Variants in GRM5 observed in about 807,000 individuals in gnomAD.
GRM5 encodes the protein glutamate metabotropic receptor 5.
Under a neutral mutation model 83.1 loss-of-function variants are expected in GRM5, and 19 were observed. That is an observed-to-expected ratio of 0.23 (90% CI 0.16 to 0.34). The LOEUF is 0.34. Ranked by LOEUF, GRM5 falls within the 10% of genes least tolerant of loss-of-function variation. The pLI is 1.00. For synonymous variants in GRM5, 675 were observed against 633.6 expected, an observed-to-expected ratio of 1.07 and a Z score of -0.98; for missense variants, 1,160 against 1,588.3, an observed-to-expected ratio of 0.73 and a Z score of 4.58.
At chr11:88,869,657 C>T (rs912890463) in intron 2 of GRM5, among the ~76,000 whole-genome samples, 3 of 151,502 alleles carry the variant, frequency 2.0e-5, no homozygotes, top group East Asian at 1.9e-4. Flanking sequence ...AACTGCTCAT[C>T]GGGCCTTTTG....
chr11:88,785,382 G>A (rs1943049709), intron 3 of GRM5, among the ~76,000 whole-genome samples: 1 of 152,030 alleles, frequency 6.6e-6, no homozygotes. Context: ...TTTTAAAGAA[G>A]AAAGGCTAGT....
chr11:88,732,955 A>T (rs1165613233), intron 3 of GRM5, among the ~76,000 whole-genome samples: 2 of 152,064 alleles, frequency 1.3e-5, no homozygotes, highest in East Asian at 3.9e-4. Flanking sequence ...TGATTTCTTC[A>T]GTGCATTTTC....
chr11:88,604,826 A>G lies in GRM5; in HGVS notation c.1286T>C (p.Met429Thr). 6.2e-7 allele frequency: 1 copy of G among 1,614,042 alleles called. No individual in the cohort carries two copies. The change falls in exon 5 of 10, where the codon ATG becomes ACG. Residue 429 changes from methionine (M) to threonine (T), a missense_variant. By Grantham distance (81) the Met-to-Thr change is moderately conservative. Around this residue, in one of 9 missense-constraint regions of GRM5, gnomAD observed 132 missense variants for 197.6 expected, o/e 0.67. Coordinates refer to ENST00000305447, the MANE Select transcript of GRM5 (RefSeq NM_001143831.3). Reference sequence around the variant, plus strand: ...AAGTTTCCGTCCATCAATTGGCTTCATGGCATCACAGAGTCCTGCATAGCC... The same window carrying G: ...AAGTTTCCGTCCATCAATTGGCTTCGTGGCATCACAGAGTCCTGCATAGCC... ...CPGYAGLCDA[M>T]KPIDGRKLLE...
intron 3 of GRM5, among the ~76,000 whole-genome samples, chr11:88,692,450 T>C (rs1565189104): frequency 6.6e-6 from 1 of 152,182 alleles, no homozygotes; most frequent in Non-Finnish European, 1.5e-5. Flanking sequence ...TAAAGACGAA[T>C]GCTGAATGAA....
chr11:89,018,866 T>C (rs1206748433), intron 2 of GRM5, among the ~76,000 whole-genome samples: 2 of 152,242 alleles, frequency 1.3e-5, no homozygotes, highest in African/African-American at 2.4e-5. Context: ...AGAAAGTCCC[T>C]ATATACTGCA....
chr11:88,648,725 C>G (rs1939538405), intron 4 of GRM5, among the ~76,000 whole-genome samples: 1 of 151,488 alleles, frequency 6.6e-6, no homozygotes, highest in Non-Finnish European at 1.5e-5. Context: ...AAGAAAAGCT[C>G]ACTTGAGGAA....
intron 3 of GRM5, among the ~76,000 whole-genome samples, chr11:88,805,933 A>C (rs1943492499): frequency 6.6e-6 from 1 of 152,124 alleles, no homozygotes; most frequent in Non-Finnish European, 1.5e-5. Flanking sequence ...CTATTTCTAT[A>C]ACTAGCTTTG....
In GRM5 at chr11:88,628,639, G is replaced by T. The variant is rs151192746; in HGVS notation, c.1148-23675C>A. On this transcript the variant is annotated intron_variant, in intron 4 of 9. Transcript: ENST00000305447. ...TAACTCTTGTAGTCACTTTGGTGTA[G>T]ATTGGCATTTACATATCATGACAAA... is the stretch of plus-strand genomic sequence containing the variant. Among the ~76,000 whole-genome samples the T allele has an allele frequency of 1.1e-4, 16 of 152,298 alleles. 1 individual carries two copies. In the East Asian group the frequency reaches 3.1e-3, roughly 29 times the overall value.
At chr11:88,513,282 A>G (rs1257686708) in intron 9 of GRM5, among the ~76,000 whole-genome samples, 2 of 152,192 alleles carry the variant, frequency 1.3e-5, no homozygotes, top group African/African-American at 4.8e-5. Context: ...TATGCCCAGT[A>G]GTACCCATGC....
intron 2 of GRM5, among the ~76,000 whole-genome samples, chr11:88,927,061 A>G (rs1042632763): frequency 2.1e-4 from 32 of 152,294 alleles, no homozygotes; most frequent in African/African-American, 7.0e-4. Context: ...ACTTCAATGC[A>G]TGCAATGCTA....
At chr11:88,582,485 C>T (rs756906251) in intron 7 of GRM5, among the ~76,000 whole-genome samples, 1 of 152,066 alleles carries the variant, frequency 6.6e-6, no homozygotes, top group Admixed American at 6.6e-5. Context: ...TGATAGATAG[C>T]CAGCTGTATA....
chr11:88,813,770 C>A (rs1300569621), intron 3 of GRM5, among the ~76,000 whole-genome samples: 1 of 152,056 alleles, frequency 6.6e-6, no homozygotes, highest in African/African-American at 2.4e-5. Context: ...TATAAAGATT[C>A]ATATAAAATG....
intron 3 of GRM5, among the ~76,000 whole-genome samples, chr11:88,671,860 TGG>T (rs1274523080): frequency 1.3e-5 from 2 of 152,094 alleles, no homozygotes; most frequent in African/African-American, 4.8e-5. Context: ...GGTGTTTAAA[TGG>T]GCTTGTTAAT....
intron 4 of GRM5, among the ~76,000 whole-genome samples, chr11:88,640,379 A>AACTCTACTTT (rs1939255246): frequency 6.6e-6 from 1 of 152,132 alleles, no homozygotes; most frequent in Non-Finnish European, 1.5e-5. Flanking sequence ...TAAAAACTTG[A>AACTCTACTTT]ACTCTACTTT....
intron 7 of GRM5, among the ~76,000 whole-genome samples, chr11:88,577,986 G>GAAA (rs1043291944): frequency 6.6e-6 from 1 of 152,046 alleles, no homozygotes; most frequent in African/African-American, 2.4e-5. Context: ...TGAAGTGAGA[G>GAAA]AAAGTGGAAA....
rs185865149 is a variant in GRM5 at position 88,878,522 on chromosome 11, A to G, written c.662-28367T>C. On this transcript the variant is annotated intron_variant, in intron 2 of 9. Transcript: ENST00000305447. The stretch of plus-strand genomic sequence containing the variant: ...AGTGCCAAGGGATACACTTGCTTAA[A>G]CAGAACAAAGGGACATATACTAGGC... Among the ~76,000 whole-genome samples the G allele has an allele frequency of 1.8e-4, 27 of 152,280 alleles. No homozygotes were observed. In the East Asian group the frequency reaches 4.8e-3, roughly 27 times the overall value.
chr11:88,604,575 C>T, intron 5 of GRM5, 143 bp downstream of exon 5: 1 of 705,160 alleles, frequency 1.4e-6, no homozygotes, highest in Non-Finnish European at 2.3e-6. Flanking sequence ...TTCTCTCTAT[C>T]TTTGCTCATT....
chr11:88,558,123 G>A (rs374143449), intron 8 of GRM5, among the ~76,000 whole-genome samples: 10 of 152,214 alleles, frequency 6.6e-5, no homozygotes, highest in African/African-American at 2.2e-4. Context: ...AATGTACCCA[G>A]TATATAATGA....
intron 7 of GRM5, among the ~76,000 whole-genome samples, chr11:88,575,306 G>T (rs1434320464): frequency 6.6e-6 from 1 of 152,066 alleles, no homozygotes; most frequent in Non-Finnish European, 1.5e-5. Context: ...AAAAAATGAG[G>T]TAAATATCAT....
Sources: gnomAD v4.1 joint callset for allele counts (sites outside exome capture counted in the v4.1 genomes callset) on GRCh38, gnomAD v4.1.1 for gene constraint, gnomAD v4.1.1 regional missense constraint, MANE v1.5 for transcripts, NCBI Gene and HGNC (gene_info 2026-07-23, HGNC 2026-07-21) for gene names.